ST7: variants seen among roughly 807,000 people sequenced by gnomAD.
ST7 encodes suppression of tumorigenicity 7, also known as suppressor of tumorigenicity 7 protein.
A neutral mutation model predicts 78.7 loss-of-function variants in ST7; 28 were observed. That is an observed-to-expected ratio of 0.36 (90% CI 0.26 to 0.49). The LOEUF (loss-of-function observed/expected upper bound fraction) is 0.49. Among genes scored for constraint, ST7 ranks in the 20% least tolerant of loss-of-function variants. The pLI, the probability that ST7 is intolerant of heterozygous loss-of-function variation, is 0.99. For missense variants in ST7, 418 were observed against 696.0 expected, an observed-to-expected ratio of 0.60 and a Z score of 4.49; for synonymous variants, 247 against 249.6, an observed-to-expected ratio of 0.99 and a Z score of 0.10.
rs149021168 is a variant in ST7, at chr7:117,151,717, T to C, written c.963+13185T>C. Among the ~76,000 whole-genome samples the C allele has an allele frequency of 2.4e-3, 364 of 152,244 alleles. 2 individuals carry two copies. Among genetic ancestry groups the C allele is most frequent in the African/African-American group, 8.1e-3 (337 of 41,556 alleles). On this transcript the variant is annotated intron_variant, in intron 9 of 15. Coordinates refer to ENST00000323984, the MANE Select transcript of ST7 (RefSeq NM_001369598.1). ...CTTGATAGATAGGCACTCAATTAAT[T>C]TTTGTGGAATGAATGGATGGATGGC...
intron 13 of ST7, among the ~76,000 whole-genome samples, chr7:117,218,637 A>T (rs1414740399): frequency 6.6e-6 from 1 of 152,196 alleles, no homozygotes; most frequent in African/African-American, 2.4e-5. Context: ...TTTTAAATCA[A>T]TTTGGTAGAA....
At chr7:117,135,508 G>A (rs1239354096) in intron 7 of ST7, among the ~76,000 whole-genome samples, 1 of 151,728 alleles carries the variant, frequency 6.6e-6, no homozygotes, top group Non-Finnish European at 1.5e-5. Context: ...GAAGCACTGT[G>A]TTTTTTTTCA....
intron 12 of ST7, among the ~76,000 whole-genome samples, chr7:117,208,899 G>T (rs1001853572): frequency 1.0e-5 from 1 of 99,854 alleles, no homozygotes; most frequent in African/African-American, 4.0e-5. Context: ...GGGTGTATGT[G>T]TGGGTGTGTG....
At chr7:117,087,468 G>T (rs1283146965) in intron 1 of ST7, among the ~76,000 whole-genome samples, 2 of 152,120 alleles carry the variant, frequency 1.3e-5, no homozygotes, top group Non-Finnish European at 2.9e-5. Flanking sequence ...CATTCATAAT[G>T]ATTAACCATA....
intron 1 of ST7, among the ~76,000 whole-genome samples, chr7:116,971,153 A>G (rs1793397745): frequency 6.6e-6 from 1 of 152,228 alleles, no homozygotes; most frequent in African/African-American, 2.4e-5. Context: ...AGGCTGTCAC[A>G]GCCAGGTGGG....
intron 1 of ST7, among the ~76,000 whole-genome samples, chr7:117,076,939 C>T (rs1277185773): frequency 2.6e-5 from 4 of 152,214 alleles, no homozygotes; most frequent in East Asian, 1.9e-4. Context: ...TTGTCTGGCA[C>T]CCAGGAGAAA....
chr7:117,170,619 T>G (rs985337405), intron 9 of ST7, among the ~76,000 whole-genome samples: 5 of 152,068 alleles, frequency 3.3e-5, no homozygotes, highest in Non-Finnish European at 5.9e-5. Context: ...AGGTGGAGGT[T>G]GCAGTGAGCT....
At chr7:116,997,284 C>T (rs1003084613) in intron 1 of ST7, among the ~76,000 whole-genome samples, 3 of 152,210 alleles carry the variant, frequency 2.0e-5, no homozygotes, top group African/African-American at 7.2e-5. Flanking sequence ...TGGGTTGCCA[C>T]TGCTGGCTCG....
At chr7:116,988,730 G>A (rs952214234) in intron 1 of ST7, among the ~76,000 whole-genome samples, 3 of 152,134 alleles carry the variant, frequency 2.0e-5, no homozygotes, top group South Asian at 2.1e-4. Flanking sequence ...AAAGGATACC[G>A]AAAATACTTT....
chr7:117,066,980 A>T (rs760093220), intron 1 of ST7, among the ~76,000 whole-genome samples: 1 of 152,114 alleles, frequency 6.6e-6, no homozygotes, highest in East Asian at 1.9e-4. Flanking sequence ...TAGAAATTTT[A>T]TATAAATGGA....
intron 1 of ST7, among the ~76,000 whole-genome samples, chr7:117,038,642 A>G (rs1305433351): frequency 6.6e-6 from 1 of 152,242 alleles, no homozygotes; most frequent in Non-Finnish European, 1.5e-5. Context: ...CTCCACATAT[A>G]GTAAGTGTTG....
intron 1 of ST7, among the ~76,000 whole-genome samples, chr7:117,021,172 T>C (rs1221777258): frequency 6.6e-6 from 1 of 152,168 alleles, no homozygotes; most frequent in East Asian, 1.9e-4. Flanking sequence ...TCAATTTTGA[T>C]ATGCTGGCTA....
intron 13 of ST7, among the ~76,000 whole-genome samples, chr7:117,218,399 C>T (rs890779331): frequency 1.3e-5 from 2 of 152,060 alleles, no homozygotes; most frequent in Non-Finnish European, 2.9e-5. Flanking sequence ...ATTGGAAAGC[C>T]GTAATTCAGT....
chr7:117,077,880 C>G (rs1157129330), intron 1 of ST7, among the ~76,000 whole-genome samples: 1 of 139,136 alleles, frequency 7.2e-6, no homozygotes, highest in Non-Finnish European at 1.5e-5. Context: ...GGGTCTTGCT[C>G]TGTCCCCCAG....
At chr7:117,189,198 A>T (rs1809553437) in intron 10 of ST7, 123 bp from the exon 11 acceptor site, 3 of 576,830 alleles carry the variant, frequency 5.2e-6, no homozygotes, top group Admixed American at 6.4e-5. Flanking sequence ...TAATGTCTGT[A>T]TTAAAATATT....
chr7:117,209,778 T>A lies in ST7; in HGVS notation c.1255-9T>A. On this transcript the variant is annotated splice_polypyrimidine_tract_variant and intron_variant, in intron 12 of 15. Transcript: ENST00000323984. ...ATTAACACAAGTGTGTCCTGCTTTT[T>A]TATTTCAGTACCTACTAGAAATGAA... The A allele has an allele frequency of 6.2e-7, 1 of 1,611,790 alleles. No individual in the cohort carries two copies. Among genetic ancestry groups the A allele is most frequent in the South Asian group, 1.1e-5 (1 of 90,618 alleles).
chr7:117,136,638 C>A, intron 8 of ST7: 1 of 297,038 alleles, frequency 3.4e-6, no homozygotes, highest in Non-Finnish European at 6.2e-6. Flanking sequence ...TCTTCTACAA[C>A]ATGGATTGAA....
At chr7:117,115,779 C>T (rs1000264714) in intron 2 of ST7, among the ~76,000 whole-genome samples, 1 of 152,146 alleles carries the variant, frequency 6.6e-6, no homozygotes, top group South Asian at 2.1e-4. Flanking sequence ...ATGTGTGAAC[C>T]TCTCTTTTTC....
intron 1 of ST7, chr7:116,972,574 T>C: frequency 6.4e-6 from 9 of 1,409,216 alleles, no homozygotes; most frequent in Non-Finnish European, 8.9e-6. Flanking sequence ...CTTAGCTTCT[T>C]TGAGTTGAAT....
Sources: gnomAD v4.1 joint callset for allele counts (sites outside exome capture counted in the v4.1 genomes callset) on GRCh38, gnomAD v4.1.1 for gene constraint, MANE v1.5 for transcripts, NCBI Gene and HGNC (gene_info 2026-07-23, HGNC 2026-07-21) for gene names.